The following HCN1 variants were observed in gnomAD, a reference collection of about 807,000 sequenced individuals.
HCN1 encodes the protein hyperpolarization activated cyclic nucleotide gated potassium channel 1.
Under a neutral mutation model 78.9 loss-of-function variants are expected in HCN1, and 13 were observed. The observed-to-expected ratio is 0.16, with a 90% CI of 0.11 to 0.26. The LOEUF (loss-of-function observed/expected upper bound fraction) is 0.26. Ranked by LOEUF, HCN1 falls within the 10% of genes least tolerant of loss-of-function variation. HCN1 has a pLI of 1.00. For synonymous variants in HCN1, 552 were observed against 455.5 expected (o/e 1.21, Z -2.70); for missense variants, 810 against 1,154.3 (o/e 0.70, Z 4.32).
At chr5:45,476,330 C>A (rs1409198021) in intron 2 of HCN1, among the ~76,000 whole-genome samples, 1 of 152,070 alleles carries the variant, frequency 6.6e-6, no homozygotes, top group Admixed American at 6.6e-5. Context: ...ATTGTTTAAG[C>A]CACCCCAGTC....
intron 3 of HCN1, among the ~76,000 whole-genome samples, chr5:45,411,567 T>C (rs1487176502): frequency 5.0e-5 from 7 of 140,560 alleles, no homozygotes; most frequent in Non-Finnish European, 9.4e-5. Flanking sequence ...ATGAGGATAT[T>C]CTAGCTATTT....
intron 2 of HCN1, chr5:45,559,973 C>G (rs1743561127): frequency 2.0e-5 from 3 of 152,082 alleles, no homozygotes; most frequent in African/African-American, 7.2e-5. Flanking sequence ...CTTAGACCAG[C>G]AAAAAGATCA....
At position 45,358,644 on chromosome 5, in the gene HCN1, A is replaced by G. The variant is rs373975647; in HGVS notation, c.1231-5398T>C. Among the ~76,000 whole-genome samples, 131 of 152,230 alleles carry G rather than the reference A, an allele frequency of 8.6e-4. 1 individual carries two copies. In the South Asian group the frequency reaches 0.019, roughly 22 times the overall value. ...TTAATCTAATTGTCACCCCTAAAGG[A>G]AACTAAAAATATTTCACCCCAAATA... On this transcript the variant is annotated intron_variant, in intron 4 of 7. Transcript: ENST00000303230.
At chr5:45,371,191 T>A (rs541782039) in intron 4 of HCN1, among the ~76,000 whole-genome samples, 1 of 152,032 alleles carries the variant, frequency 6.6e-6, no homozygotes, top group African/African-American at 2.4e-5. Flanking sequence ...TATCTCAAAT[T>A]AATAACCTAA....
At chr5:45,608,045 T>C (rs532919993) in intron 2 of HCN1, among the ~76,000 whole-genome samples, 2 of 152,008 alleles carry the variant, frequency 1.3e-5, no homozygotes, top group East Asian at 3.9e-4. Context: ...TTAAAACCAA[T>C]TAACAAAAAT....
At chr5:45,605,263 A>C (rs887629845) in intron 2 of HCN1, among the ~76,000 whole-genome samples, 1 of 152,014 alleles carries the variant, frequency 6.6e-6, no homozygotes, top group African/African-American at 2.4e-5. Context: ...TTTTAATCAT[A>C]TCTCTTCAAA....
Position 45,262,233 on chromosome 5 carries a change from G to C in HCN1, c.2361C>G (p.Ser787=), listed in dbSNP as rs758609806. The C allele has an allele frequency of 6.2e-7, 1 of 1,614,056 alleles. No homozygotes were observed. Among genetic ancestry groups the C allele is most frequent in the Admixed American group, 1.7e-5 (1 of 60,026 alleles). Residue 787 remains serine (S), a synonymous_variant, in exon 8 of 8, where the codon TCC becomes TCG. Coordinates refer to ENST00000303230, the MANE Select transcript of HCN1 (RefSeq NM_021072.4). ...CATGGGGCAGCGAGGGCTGCGAGGC[G>C]GAGAGTGGCCTGACTTCCCGGGTCA... ...TNLTREVRPL[S]ASQPSLPHEV... is the part of the protein sequence containing the mutation.
At position 45,449,849 on chromosome 5, in the gene HCN1, T is replaced by G. The variant is rs183449528; in HGVS notation, c.1011+11997A>C. On this transcript the variant is annotated intron_variant, in intron 3 of 7. Coordinates refer to ENST00000303230, the MANE Select transcript of HCN1 (RefSeq NM_021072.4). ...AGAACATAAGTTGGTTTTTTTTCTTTTTTTGAGACGGAGTCTCACACTCTG... is the reference window on the plus strand; with the variant it reads ...AGAACATAAGTTGGTTTTTTTTCTTGTTTTGAGACGGAGTCTCACACTCTG... Among the ~76,000 whole-genome samples the G allele has an allele frequency of 3.5e-4, 53 of 152,300 alleles. 1 individual carries two copies. The highest frequency in any genetic ancestry group is 3.2e-3 in the Admixed American group (49 of 15,304).
At chr5:45,634,739 C>T (rs1038274410) in intron 2 of HCN1, among the ~76,000 whole-genome samples, 3 of 152,020 alleles carry the variant, frequency 2.0e-5, no homozygotes, top group African/African-American at 7.2e-5. Context: ...TCTAGAGCTA[C>T]ATTTCTCTCA....
chr5:45,428,543 T>A lies in HCN1; in HGVS notation c.1012-31833A>T, dbSNP rs978506544. On this transcript the variant is annotated intron_variant, in intron 3 of 7. Coordinates refer to ENST00000303230, the MANE Select transcript of HCN1 (RefSeq NM_021072.4). ...ATGAATTACATTAGCAAATTTTGTA[T>A]TTAAGTATTTAATAGCTAATTTATA... Among the ~76,000 whole-genome samples the A allele has an allele frequency of 7.2e-5, 11 of 152,250 alleles. 2 individuals carry two copies. Among genetic ancestry groups the A allele is most frequent in the Admixed American group, 6.5e-4 (10 of 15,292 alleles).
chr5:45,526,718 A>C (rs148576764), intron 2 of HCN1, among the ~76,000 whole-genome samples: 17 of 152,112 alleles, frequency 1.1e-4, no homozygotes, highest in African/African-American at 3.9e-4. Flanking sequence ...TGGGGCCTAG[A>C]GCTGGGGATT....
At chr5:45,654,239 G>T (rs1745728225) in intron 1 of HCN1, among the ~76,000 whole-genome samples, 2 of 152,174 alleles carry the variant, frequency 1.3e-5, no homozygotes, top group South Asian at 4.1e-4. Flanking sequence ...GACCGGAGCA[G>T]AACTCCCAGG....
At chr5:45,603,304 G>T (rs1431486049) in intron 2 of HCN1, among the ~76,000 whole-genome samples, 1 of 152,010 alleles carries the variant, frequency 6.6e-6, no homozygotes, top group East Asian at 1.9e-4. Flanking sequence ...GATCGTAGAT[G>T]TTCTAATGGC....
At chr5:45,452,514 AAGAT>A (rs1740945166) in intron 3 of HCN1, among the ~76,000 whole-genome samples, 1 of 151,720 alleles carries the variant, frequency 6.6e-6, no homozygotes, top group Non-Finnish European at 1.5e-5. Flanking sequence ...ATAAGATAGT[AAGAT>A]AGAACCCAAT....
chr5:45,532,028 A>T (rs1742862964), intron 2 of HCN1, among the ~76,000 whole-genome samples: 1 of 152,354 alleles, frequency 6.6e-6, no homozygotes, highest in South Asian at 2.1e-4. Context: ...CGACAGAGCA[A>T]GACTCCGTCT....
chr5:45,388,283 C>T (rs1176235824), intron 4 of HCN1, among the ~76,000 whole-genome samples: 2 of 152,060 alleles, frequency 1.3e-5, no homozygotes, highest in African/African-American at 4.8e-5. Context: ...GTTGAGTGGT[C>T]ACAGTTCTGC....
intron 1 of HCN1, among the ~76,000 whole-genome samples, chr5:45,692,142 C>T (rs1024631128): frequency 6.6e-5 from 10 of 152,274 alleles, no homozygotes; most frequent in African/African-American, 2.4e-4. Flanking sequence ...GTGATAAATT[C>T]TTCCAAGATA....
chr5:45,430,137 A>G (rs1300941790), intron 3 of HCN1, among the ~76,000 whole-genome samples: 1 of 152,228 alleles, frequency 6.6e-6, no homozygotes, highest in African/African-American at 2.4e-5. Flanking sequence ...ATAAAACTCC[A>G]ACATTCATCA....
intron 5 of HCN1, among the ~76,000 whole-genome samples, chr5:45,305,458 G>C (rs72759962): frequency 0.022 from 3,337 of 152,172 alleles, 57 homozygotes; most frequent in Admixed American, 0.034. Context: ...AGTGAACCTA[G>C]CAGCAAAGAC....
Sources: allele counts gnomAD v4.1 joint callset (sites outside exome capture counted in the v4.1 genomes callset), GRCh38; gene constraint gnomAD v4.1.1; transcripts MANE v1.5; gene names NCBI Gene and HGNC (gene_info 2026-07-23, HGNC 2026-07-21).